RAPH1: variants seen among roughly 807,000 people sequenced by gnomAD.
RAPH1 encodes Ras association (RalGDS/AF-6) and pleckstrin homology domains 1, also known as ras-associated and pleckstrin homology domains-containing protein 1.
RAPH1 carries 18 observed loss-of-function variants against 88.1 expected under a neutral mutation model. The observed-to-expected ratio is 0.20, with a 90% CI of 0.14 to 0.30. The LOEUF is 0.30. Among genes scored for constraint, RAPH1 ranks in the 10% least tolerant of loss-of-function variants. The pLI, the probability that RAPH1 is intolerant of heterozygous loss-of-function variation, is 1.00. For synonymous variants in RAPH1, 587 were observed against 559.0 expected (o/e 1.05, Z -0.71); for missense variants, 1,448 against 1,543.2 (o/e 0.94, Z 1.03).
At chr2:203,522,852 C>T (rs868519535) in intron 1 of RAPH1, among the ~76,000 whole-genome samples, 39 of 137,994 alleles carry the variant, frequency 2.8e-4, no homozygotes, top group African/African-American at 9.2e-4. Context: ...GCTGAGATCA[C>T]GTTACTGCAC....
chr2:203,463,095 G>A (rs551364379), intron 4 of RAPH1, among the ~76,000 whole-genome samples: 2 of 151,916 alleles, frequency 1.3e-5, no homozygotes, highest in Admixed American at 1.3e-4. Flanking sequence ...CCAGCTACTT[G>A]GGAGGCTGAG....
intron 2 of RAPH1, among the ~76,000 whole-genome samples, chr2:203,493,283 G>A (rs1233973192): frequency 6.6e-6 from 1 of 152,116 alleles, no homozygotes; most frequent in Non-Finnish European, 1.5e-5. Flanking sequence ...CAAACCAGTA[G>A]AAACACCATT....
intron 4 of RAPH1, among the ~76,000 whole-genome samples, chr2:203,471,515 T>C (rs572630891): frequency 6.6e-6 from 1 of 152,050 alleles, no homozygotes; most frequent in East Asian, 1.9e-4. Context: ...AGCAGGCTGC[T>C]GCAGAAGAAT....
chr2:203,508,706 A>G (rs923351448), intron 1 of RAPH1, among the ~76,000 whole-genome samples: 1 of 152,160 alleles, frequency 6.6e-6, no homozygotes, highest in South Asian at 2.1e-4. Context: ...GAGAGAGATG[A>G]AGGAGGAGAG....
In RAPH1 at chr2:203,435,079, C is replaced by G. The variant is rs561213454; in HGVS notation, c.*4358G>C. ...ATTACTTCAACAAGCAAAGAGCAAA[C>G]CAACTGGAGAAATGTATGTTTTTTC... is the stretch of plus-strand genomic sequence containing the variant. On this transcript the variant is annotated 3_prime_UTR_variant, in exon 14 of 14. Coordinates refer to ENST00000319170, the MANE Select transcript of RAPH1 (RefSeq NM_213589.3). The G allele has an allele frequency of 6.5e-6, 1 of 152,680 alleles. No homozygotes were observed. The highest frequency in any genetic ancestry group is 1.9e-4 in the East Asian group (1 of 5,174). 9.5% of individuals were successfully genotyped at this position (152,680 alleles called of 1,614,324 possible). A position where few individuals can be genotyped will look rare whatever the true frequency, so the allele number is the denominator to read the frequency against.
At chr2:203,490,205 T>A in intron 3 of RAPH1, 116 bp from the exon 4 acceptor site, 1 of 1,050,114 alleles carries the variant, frequency 9.5e-7, no homozygotes, top group Non-Finnish European at 1.3e-6. Flanking sequence ...GCAAATAAAA[T>A]TAAGTATTTC....
intron 1 of RAPH1, among the ~76,000 whole-genome samples, chr2:203,530,716 ACT>A (rs1249573165): frequency 6.6e-6 from 1 of 151,990 alleles, no homozygotes; most frequent in East Asian, 1.9e-4. Context: ...ACATGATGAA[ACT>A]CTGTCTCTAC....
intron 1 of RAPH1, among the ~76,000 whole-genome samples, chr2:203,496,179 C>G (rs993162611): frequency 9.2e-5 from 14 of 151,952 alleles, no homozygotes; most frequent in Non-Finnish European, 2.1e-4. Context: ...GCCAACATGG[C>G]AAAACCCCGT....
chr2:203,495,681 T>C (rs756682755), intron 1 of RAPH1, among the ~76,000 whole-genome samples: 1 of 152,136 alleles, frequency 6.6e-6, no homozygotes, highest in African/African-American at 2.4e-5. Flanking sequence ...TTCTCTCCAC[T>C]ACTAGATCCT....
chr2:203,466,809 G>C (rs113030129), intron 4 of RAPH1, among the ~76,000 whole-genome samples: 10 of 152,208 alleles, frequency 6.6e-5, no homozygotes, highest in African/African-American at 2.4e-4. Flanking sequence ...TCAAATTTAC[G>C]TAAAGACAAA....
intron 1 of RAPH1, among the ~76,000 whole-genome samples, chr2:203,520,144 A>G (rs1689798968): frequency 1.3e-5 from 2 of 152,044 alleles, no homozygotes; most frequent in African/African-American, 4.8e-5. Flanking sequence ...CCTGAGAAAC[A>G]TGGTGGAAAA....
At chr2:203,453,686 G>A (rs983648503) in intron 10 of RAPH1, among the ~76,000 whole-genome samples, 1 of 150,146 alleles carries the variant, frequency 6.7e-6, no homozygotes. Flanking sequence ...ACAATTCTCA[G>A]AGAAAAGTGA....
intron 4 of RAPH1, among the ~76,000 whole-genome samples, chr2:203,483,397 A>C (rs936827360): frequency 3.3e-5 from 5 of 152,212 alleles, no homozygotes; most frequent in African/African-American, 1.2e-4. Context: ...GCTGGATTGA[A>C]AGGGAGGTAG....
chr2:203,520,196 G>A (rs961276133), intron 1 of RAPH1, among the ~76,000 whole-genome samples: 1 of 152,008 alleles, frequency 6.6e-6, no homozygotes, highest in African/African-American at 2.4e-5. Context: ...CCCAGGCCTG[G>A]TGGCAACCAC....
At chr2:203,507,038 A>G (rs1689120583) in intron 1 of RAPH1, among the ~76,000 whole-genome samples, 1 of 149,912 alleles carries the variant, frequency 6.7e-6, no homozygotes, top group South Asian at 2.1e-4. Context: ...CTGGGATTAC[A>G]GGCGCCTGCC....
Position 203,435,411 on chromosome 2 carries a change from C to A in RAPH1, c.*4026G>T, listed in dbSNP as rs913992064. 9.3e-5 allele frequency: 14 copies of A among 151,154 alleles called. No individual in the cohort carries two copies. The highest frequency in any genetic ancestry group is 6.6e-4 in the Admixed American group (10 of 15,164). The allele number at this position is 151,154 out of a possible 1,614,324, so 9.4% of individuals were successfully genotyped here. ...CTTAAAAGATAATAAGTATCTAATT[C>A]TTTTATACTTGCATTTCTCTTTGGA... On this transcript the variant is annotated 3_prime_UTR_variant, in exon 14 of 14. Transcript: ENST00000319170.
At chr2:203,467,203 T>C (rs554655950) in intron 4 of RAPH1, among the ~76,000 whole-genome samples, 1 of 152,256 alleles carries the variant, frequency 6.6e-6, no homozygotes, top group Admixed American at 6.5e-5. Flanking sequence ...TATGTGTAAA[T>C]GTTTTTCTAT....
intron 1 of RAPH1, among the ~76,000 whole-genome samples, chr2:203,510,477 A>C (rs1285352464): frequency 6.6e-6 from 1 of 152,102 alleles, no homozygotes; most frequent in Admixed American, 6.6e-5. Flanking sequence ...GGGAAAAAGG[A>C]TGCTCTGCAG....
rs2098496597 is a variant in RAPH1, at chr2:203,434,375, C to G, written c.*5062G>C. Reference sequence around the variant, plus strand: ...TTAAAGAACTGAGGGAGGGAGCAATCCCAGTTAAATATAATGTGCAATTCC... The same window carrying G: ...TTAAAGAACTGAGGGAGGGAGCAATGCCAGTTAAATATAATGTGCAATTCC... On this transcript the variant is annotated 3_prime_UTR_variant, in exon 14 of 14. Coordinates refer to ENST00000319170, the MANE Select transcript of RAPH1 (RefSeq NM_213589.3). 1 of 152,430 alleles carries G rather than the reference C, an allele frequency of 6.6e-6. No homozygotes were observed. The highest frequency in any genetic ancestry group is 6.5e-5 in the Admixed American group (1 of 15,272). The allele number at this position is 152,430 out of a possible 1,614,324, so 9.4% of individuals were successfully genotyped here. A position where few individuals can be genotyped will look rare whatever the true frequency, so the allele number is the denominator to read the frequency against.
Sources: gnomAD v4.1 joint callset for allele counts (sites outside exome capture counted in the v4.1 genomes callset) on GRCh38, gnomAD v4.1.1 for gene constraint, MANE v1.5 for transcripts, NCBI Gene and HGNC (gene_info 2026-07-23, HGNC 2026-07-21) for gene names.